Variants in NOC3L observed in about 807,000 individuals in gnomAD.
The protein encoded by NOC3L is nucleolar complex protein 3 homolog.
A neutral mutation model predicts 102.5 loss-of-function variants in NOC3L; 85 were observed. The observed-to-expected ratio is 0.83, with a 90% confidence interval of 0.70 to 0.99. The LOEUF is 0.99. Among genes scored for constraint, NOC3L ranks in the 50% least tolerant of loss-of-function variants. NOC3L has a pLI of 0.00. For synonymous variants in NOC3L, 303 were observed against 309.4 expected (o/e 0.98, Z 0.22); for missense variants, 878 against 914.9 (o/e 0.96, Z 0.52).
At chr10:94,336,061 C>G (rs2054213943) in intron 19 of NOC3L, among the ~76,000 whole-genome samples, 1 of 152,086 alleles carries the variant, frequency 6.6e-6, no homozygotes, top group African/African-American at 2.4e-5. Flanking sequence ...TATTTATATC[C>G]TACTGCTCAA....
chr10:94,334,060 A>T lies in NOC3L; in HGVS notation c.*117T>A. 1.7e-6 allele frequency: 1 copy of T among 605,550 alleles called. No homozygotes were observed. Among genetic ancestry groups the T allele is most frequent in the Non-Finnish European group, 2.9e-6 (1 of 341,900 alleles). The allele number at this position is 605,550 out of a possible 1,614,324, so 37.5% of individuals were successfully genotyped here. On this transcript the variant is annotated 3_prime_UTR_variant, in exon 21 of 21. Coordinates refer to ENST00000371361, the MANE Select transcript of NOC3L (RefSeq NM_022451.11). ...AAGGGTCATTCTTCCTCTTCTTCCT[A>T]GACATTCTTAGGAAGCTTTCCTTGT...
chr10:94,334,468 C>T (rs1204503602), intron 20 of NOC3L, among the ~76,000 whole-genome samples, 163 bp from the exon 21 acceptor site: 2 of 152,034 alleles, frequency 1.3e-5, no homozygotes, highest in Non-Finnish European at 2.9e-5. Context: ...CGAACAGTTT[C>T]ATGATCATCT....
chr10:94,342,124 GA>G (rs2054292071), intron 13 of NOC3L, among the ~76,000 whole-genome samples: 1 of 152,162 alleles, frequency 6.6e-6, no homozygotes, highest in Admixed American at 6.5e-5. Context: ...CTACTTACAA[GA>G]ATATGGACCT....
At chr10:94,362,766 G>T (rs1054890430) in intron 1 of NOC3L, 64 bp downstream of exon 1, 2 of 1,575,736 alleles carry the variant, frequency 1.3e-6, no homozygotes, top group African/African-American at 2.7e-5. Flanking sequence ...AGCTAACTCA[G>T]GCAGTGACTC....
Position 94,358,129 on chromosome 10 carries a change from C to A in NOC3L, c.304G>T (p.Asp102Tyr). ...MDEDDLQLMK[D>Y]LGQRVSFLTR... is the part of the protein sequence containing the mutation. The stretch of plus-strand genomic sequence containing the variant: ...AGAAAAGATACTCTTTGTCCTAAAT[C>A]CTTCATTAACTGTAAGTCATCTTCA... The change falls in exon 3 of 21, where the codon GAT becomes TAT. Residue 102 changes from aspartate to tyrosine, a missense_variant. By Grantham distance (160) the Asp-to-Tyr change is radical. Coordinates refer to ENST00000371361, the MANE Select transcript of NOC3L (RefSeq NM_022451.11). 6.2e-7 allele frequency: 1 copy of A among 1,611,300 alleles called. No homozygotes were observed. Among genetic ancestry groups the A allele is most frequent in the East Asian group, 2.2e-5 (1 of 44,862 alleles).
intron 13 of NOC3L, among the ~76,000 whole-genome samples, chr10:94,342,239 T>C (rs2054294260): frequency 6.6e-6 from 1 of 152,126 alleles, no homozygotes; most frequent in African/African-American, 2.4e-5. Flanking sequence ...CACTTCACTG[T>C]CCTGGGCCTC....
intron 7 of NOC3L, 136 bp from the exon 8 acceptor site, chr10:94,352,539 A>C (rs2054432286): frequency 3.2e-6 from 2 of 634,416 alleles, no homozygotes; most frequent in African/African-American, 3.7e-5. Flanking sequence ...GCAGTCGTTT[A>C]GGCCAGGCGT....
chr10:94,328,687 A>G (rs562070157), downstream of NOC3L: 4 of 152,370 alleles, frequency 2.6e-5, no homozygotes, highest in African/African-American at 7.2e-5. Context: ...GTCCTATAAC[A>G]TAAGAGTCAT....
intron 6 of NOC3L, among the ~76,000 whole-genome samples, chr10:94,354,115 C>T (rs1057150531): frequency 4.6e-5 from 7 of 152,170 alleles, no homozygotes; most frequent in African/African-American, 1.7e-4. Flanking sequence ...TTCCAAATCT[C>T]TCTTCCCTAA....
chr10:94,342,941 C>T (rs1430432993), intron 13 of NOC3L, among the ~76,000 whole-genome samples: 2 of 151,876 alleles, frequency 1.3e-5, no homozygotes, highest in African/African-American at 4.8e-5. Flanking sequence ...AGAAATTAGC[C>T]AGGTGTGATG....
intron 17 of NOC3L, among the ~76,000 whole-genome samples, chr10:94,339,457 G>C (rs1307128448): frequency 6.6e-6 from 1 of 152,126 alleles, no homozygotes; most frequent in Non-Finnish European, 1.5e-5. Context: ...ACAAAGTTGA[G>C]TTGTTTCTAT....
downstream of NOC3L, chr10:94,329,592 A>G (rs1337836655): frequency 6.6e-6 from 1 of 152,128 alleles, no homozygotes; most frequent in Admixed American, 6.5e-5. Flanking sequence ...ATCCTGGCCA[A>G]CATGGTGAAA....
At chr10:94,343,576 A>G (rs7090436) in intron 13 of NOC3L, among the ~76,000 whole-genome samples, 1,890 of 152,318 alleles carry the variant, frequency 0.012, 47 homozygotes, top group African/African-American at 0.043. Flanking sequence ...TCTTCTAGCC[A>G]TCAGTCCTAT....
chr10:94,358,258 G>C, intron 2 of NOC3L, 43 bp from the exon 3 acceptor site: 1 of 1,062,708 alleles, frequency 9.4e-7, no homozygotes, highest in Non-Finnish European at 1.4e-6. Flanking sequence ...TTAGAAACAA[G>C]TATCAGAGAT....
intron 13 of NOC3L, among the ~76,000 whole-genome samples, chr10:94,344,012 GATCT>G (rs1189527680): frequency 6.6e-6 from 1 of 152,090 alleles, no homozygotes; most frequent in Non-Finnish European, 1.5e-5. Context: ...TACACCAAAA[GATCT>G]ATCTTAGCAG....
chr10:94,352,906 T>G lies in NOC3L; in HGVS notation c.848A>C (p.Lys283Thr). 6.2e-7 allele frequency: 1 copy of G among 1,612,626 alleles called. No individual in the cohort carries two copies. Among genetic ancestry groups the G allele is most frequent in the South Asian group, 1.1e-5 (1 of 90,866 alleles). ...YKIRPLTEAE[K>T]STKTRKETQK... ...GCAATCTAGCATTACCTTAGTAGAT[T>G]TTTCTGCTTCTGTGAGGGGCCGGAT... The change falls in exon 7 of 21, where the codon AAA (lysine) becomes ACA (threonine). Residue 283 changes from lysine to threonine, a missense_variant. By Grantham distance (78) the Lys-to-Thr change is moderately conservative (BLOSUM62 -1). Transcript: ENST00000371361.
chr10:94,320,280 GTATT>G, the NOC3L span, among the ~76,000 whole-genome samples: 1 of 151,902 alleles, frequency 6.6e-6, no homozygotes, highest in Non-Finnish European at 1.5e-5. Flanking sequence ...ATATAATGGA[GTATT>G]CATTCATGGG....
chr10:94,355,001 C>G lies in NOC3L; in HGVS notation c.658G>C (p.Ala220Pro), dbSNP rs1825694492. Residue 220 changes from alanine to proline, a missense_variant, in exon 6 of 21, where the codon GCC (alanine) becomes CCC (proline). Coordinates refer to ENST00000371361, the MANE Select transcript of NOC3L (RefSeq NM_022451.11). Reference protein sequence around the residue: ...KLQEKKMHIAALASAILSDPE... With the variant: ...KLQEKKMHIAPLASAILSDPE... Reference sequence around the variant, plus strand: ...TCTGATAATATGGCAGATGCCAAGGCTGCAATATGCATCTTCTTCTCCTGT... The same window carrying G: ...TCTGATAATATGGCAGATGCCAAGGGTGCAATATGCATCTTCTTCTCCTGT... 1.9e-6 allele frequency: 3 copies of G among 1,613,264 alleles called. No homozygotes were observed. The highest frequency in any genetic ancestry group is 2.5e-6 in the Non-Finnish European group (3 of 1,179,700).
intron 17 of NOC3L, among the ~76,000 whole-genome samples, 190 bp from the exon 18 acceptor site, chr10:94,338,926 T>A (rs538257146): frequency 6.6e-6 from 1 of 152,176 alleles, no homozygotes; most frequent in East Asian, 1.9e-4. Context: ...AAAAAAAAAT[T>A]TTATCTTTGC....
Sources: gnomAD v4.1 joint callset for allele counts (sites outside exome capture counted in the v4.1 genomes callset) on GRCh38, gnomAD v4.1.1 for gene constraint, MANE v1.5 for transcripts, NCBI Gene and HGNC (gene_info 2026-07-23, HGNC 2026-07-21) for gene names.